Variants in ATG7 observed in about 807,000 individuals in gnomAD.
The protein encoded by ATG7 is autophagy related 7.
ATG7 carries 70 observed loss-of-function variants against 82.4 expected under a neutral mutation model. The observed-to-expected ratio is 0.85, with a 90% CI of 0.70 to 1.04. The LOEUF (loss-of-function observed/expected upper bound fraction) is 1.04. Ranked by LOEUF, ATG7 falls within the 50% of genes least tolerant of loss-of-function variation. The pLI is 0.00. For missense variants in ATG7, 792 were observed against 864.3 expected, an observed-to-expected ratio of 0.92 and a Z score of 1.05; for synonymous variants, 287 against 313.0, an observed-to-expected ratio of 0.92 and a Z score of 0.88.
intron 20 of ATG7, among the ~76,000 whole-genome samples, chr3:11,497,357 C>CTATATATATATA (rs58838386): frequency 0.023 from 1,327 of 57,222 alleles, 56 homozygotes; most frequent in Non-Finnish European, 0.026. Context: ...ACTAAAAATA[C>CTATATATATATA]TATATATATA....
intron 20 of ATG7, among the ~76,000 whole-genome samples, chr3:11,552,489 C>T (rs1044719137): frequency 6.6e-6 from 1 of 152,146 alleles, no homozygotes; most frequent in Admixed American, 6.5e-5. Flanking sequence ...AGATCCCAGC[C>T]CCCAGTCCCA....
chr3:11,310,189 A>C (rs1441081323), intron 7 of ATG7, among the ~76,000 whole-genome samples: 1 of 152,138 alleles, frequency 6.6e-6, no homozygotes, highest in Non-Finnish European at 1.5e-5. Context: ...ACTGTGGTAT[A>C]TTGAAAAATA....
At chr3:11,327,834 T>C (rs890784044) in intron 9 of ATG7, among the ~76,000 whole-genome samples, 67 of 152,318 alleles carry the variant, frequency 4.4e-4, no homozygotes, top group Non-Finnish European at 9.7e-4. Context: ...CCTGGGTTCT[T>C]ATTAAAATGC....
intron 20 of ATG7, among the ~76,000 whole-genome samples, chr3:11,457,485 A>C (rs2085855060): frequency 6.6e-6 from 1 of 152,184 alleles, no homozygotes; most frequent in Admixed American, 6.5e-5. Flanking sequence ...ATCTTTCATG[A>C]GCCATTATCC....
At chr3:11,496,468 A>G (rs1288944814) in intron 20 of ATG7, among the ~76,000 whole-genome samples, 1 of 151,914 alleles carries the variant, frequency 6.6e-6, no homozygotes, top group Non-Finnish European at 1.5e-5. Context: ...TATCCCACCT[A>G]CCATAGCACA....
At chr3:11,462,885 A>G (rs900098176) in intron 20 of ATG7, among the ~76,000 whole-genome samples, 5 of 135,594 alleles carry the variant, frequency 3.7e-5, no homozygotes, top group Admixed American at 7.2e-5. Context: ...TTATTTATTT[A>G]TTTATTTATT....
At chr3:11,381,692 A>G (rs558335166) in intron 19 of ATG7, among the ~76,000 whole-genome samples, 2 of 152,358 alleles carry the variant, frequency 1.3e-5, no homozygotes, top group East Asian at 1.9e-4. Context: ...CCTGCTTTAC[A>G]TAAACATGTT....
At chr3:11,282,900 A>C (rs989826688) in intron 3 of ATG7, among the ~76,000 whole-genome samples, 17 of 152,222 alleles carry the variant, frequency 1.1e-4, no homozygotes, top group African/African-American at 4.1e-4. Context: ...GCAGCTAAGA[A>C]CATATGCTGT....
At chr3:11,558,920 G>A (rs552416606), downstream of ATG7, 37 of 1,451,018 alleles carry the variant, frequency 2.5e-5, no homozygotes, top group East Asian at 9.6e-5. Flanking sequence ...GCCCAGAGCC[G>A]GACTGGCTGC....
At chr3:11,299,946 A>G (rs1946523393) in intron 5 of ATG7, among the ~76,000 whole-genome samples, 1 of 147,308 alleles carries the variant, frequency 6.8e-6, no homozygotes, top group Non-Finnish European at 1.5e-5. Flanking sequence ...TTTTTTTGAG[A>G]CAGGATCTCA....
At chr3:11,303,521 T>C (rs1947135984) in intron 5 of ATG7, among the ~76,000 whole-genome samples, 1 of 150,260 alleles carries the variant, frequency 6.7e-6, no homozygotes, top group Admixed American at 6.6e-5. Context: ...CACAAAAAAT[T>C]AGCCGGGCGT....
At chr3:11,547,588 C>T (rs2071403573) in intron 20 of ATG7, among the ~76,000 whole-genome samples, 1 of 152,172 alleles carries the variant, frequency 6.6e-6, no homozygotes, top group Non-Finnish European at 1.5e-5. Flanking sequence ...TTGGGGTAAA[C>T]TGCCAGCTGT....
chr3:11,535,787 C>T (rs551564219), intron 20 of ATG7, among the ~76,000 whole-genome samples: 1 of 152,204 alleles, frequency 6.6e-6, no homozygotes, highest in Non-Finnish European at 1.5e-5. Context: ...CCCAAGAGCC[C>T]TCTGGGGCAT....
chr3:11,412,795 C>A (rs964102050), intron 19 of ATG7, among the ~76,000 whole-genome samples: 8 of 152,062 alleles, frequency 5.3e-5, no homozygotes, highest in African/African-American at 1.4e-4. Flanking sequence ...AATACTAATT[C>A]TTCCAATTCA....
intron 13 of ATG7, among the ~76,000 whole-genome samples, chr3:11,344,588 C>T (rs1051399469): frequency 2.2e-4 from 33 of 152,082 alleles, no homozygotes; most frequent in African/African-American, 6.8e-4. Flanking sequence ...ACATTTTGGC[C>T]GGGCACGGTG....
intron 20 of ATG7, among the ~76,000 whole-genome samples, chr3:11,439,609 A>G (rs1014412492): frequency 4.5e-4 from 69 of 152,164 alleles, no homozygotes; most frequent in African/African-American, 1.5e-3. Context: ...TAGGACAGGA[A>G]AGTCACTAGG....
chr3:11,339,068 G>A (rs911428183), intron 11 of ATG7, among the ~76,000 whole-genome samples: 5 of 152,050 alleles, frequency 3.3e-5, no homozygotes, highest in Admixed American at 2.0e-4. Context: ...AGGCCAAGGC[G>A]GGTGGATCAC....
Position 11,342,046 on chromosome 3 carries a change from C to G in ATG7, c.981-89C>G, listed in dbSNP as rs1413259786. On this transcript the variant is annotated intron_variant, in intron 12 of 20. Transcript: ENST00000693202. The stretch of plus-strand genomic sequence containing the variant: ...TTTGATCCCAATTTCCTTATTATTT[C>G]TTATTTTCTTGCATAGCCACTTGAA... 2.9e-6 allele frequency: 4 copies of G among 1,390,488 alleles called. No individual in the cohort carries two copies. The African/African-American group carries it at 5.9e-5, about 20-fold the overall frequency. The allele number at this position is 1,390,488 out of a possible 1,614,324, so 86.1% of individuals were successfully genotyped here. A position where few individuals can be genotyped will look rare whatever the true frequency, so the allele number is the denominator to read the frequency against.
intron 20 of ATG7, among the ~76,000 whole-genome samples, chr3:11,518,026 T>G (rs1344575712): frequency 6.6e-6 from 1 of 152,078 alleles, no homozygotes; most frequent in Non-Finnish European, 1.5e-5. Flanking sequence ...GAATCGATGT[T>G]GAAAATATAG....
Sources: allele counts gnomAD v4.1 joint callset (sites outside exome capture counted in the v4.1 genomes callset), GRCh38; gene constraint gnomAD v4.1.1; transcripts MANE v1.5; gene names NCBI Gene and HGNC (gene_info 2026-07-23, HGNC 2026-07-21).